GSTM5: variants seen among roughly 807,000 people sequenced by gnomAD.
GSTM5 encodes glutathione S-transferase mu 5, also known as GST class-mu 5.
Under a neutral mutation model 29.0 loss-of-function variants are expected in GSTM5, and 24 were observed. The observed-to-expected ratio is 0.83, with a 90% CI of 0.60 to 1.16. The LOEUF is 1.16. Ranked by LOEUF, GSTM5 falls within the 50% of genes most tolerant of loss-of-function variation. The pLI, the probability that GSTM5 is intolerant of heterozygous loss-of-function variation, is 0.00. For missense variants in GSTM5, 290 were observed against 263.0 expected (o/e 1.10, Z -0.71); for synonymous variants, 91 against 93.6 (o/e 0.97, Z 0.16).
chr1:109,715,302 T>G (rs540807268), intron 7 of GSTM5, 62 bp downstream of exon 7: 1 of 1,614,200 alleles, frequency 6.2e-7, no homozygotes, highest in Non-Finnish European at 8.5e-7. Context: ...TTTCAGATGC[T>G]TTCCCAGTCC....
chr1:109,713,248 C>T lies in GSTM5; in HGVS notation c.177+65C>T, dbSNP rs1648629069. On this transcript the variant is annotated intron_variant, in intron 3 of 7. Coordinates refer to ENST00000256593, the MANE Select transcript of GSTM5 (RefSeq NM_000851.4). ...ACGTGTCTCTGACTGCATCTCCTCT[C>T]CCCACCTTAGAGGTGTTAAGATCAG... is the stretch of plus-strand genomic sequence containing the variant. 3.2e-5 allele frequency: 52 copies of T among 1,603,884 alleles called. 1 individual carries two copies. The South Asian group carries it at 5.7e-4, about 18-fold the overall frequency.
intron 1 of GSTM5, 23 bp from the exon 2 acceptor site, chr1:109,712,595 G>C (rs781591595): frequency 1.2e-6 from 2 of 1,613,412 alleles, no homozygotes; most frequent in African/African-American, 1.3e-5. Flanking sequence ...TCTCTGACCC[G>C]AGCCGCGGGC....
At chr1:109,715,746 C>T (rs36107407) in intron 7 of GSTM5, 45,081 of 412,188 alleles carry the variant, frequency 0.11, 4,389 homozygotes, top group African/African-American at 0.36. Context: ...ATAGCCACCC[C>T]CAGAAGCTTT....
At chr1:109,717,204 C>T (rs113490310) in intron 7 of GSTM5, 133 bp from the exon 8 acceptor site, 49 of 660,092 alleles carry the variant, frequency 7.4e-5, no homozygotes, top group African/African-American at 3.8e-4. Flanking sequence ...CCTAAGAGAC[C>T]GTGTGATGCT....
In GSTM5 at chr1:109,713,188, G is replaced by A; in HGVS notation, c.177+5G>A. 6.2e-7 allele frequency: 1 copy of A among 1,612,360 alleles called. No homozygotes were observed. The highest frequency in any genetic ancestry group is 8.5e-7 in the Non-Finnish European group (1 of 1,179,848). ...CTGGGCCTGGACTTTCCCAATGTAG[G>A]TGCAGGGGAAGGGGCGGTTTTGGGG... On this transcript the variant is annotated splice_donor_5th_base_variant and intron_variant, in intron 3 of 7. Transcript: ENST00000256593.
intron 7 of GSTM5, chr1:109,715,829 T>C: frequency 2.2e-6 from 1 of 457,000 alleles, no homozygotes; most frequent in South Asian, 1.8e-5. Flanking sequence ...GGTACATATG[T>C]GGGTGCCCCT....
At position 109,712,251 on chromosome 1, in the gene GSTM5, C is replaced by G; in HGVS notation, c.-62C>G. On this transcript the variant is annotated 5_prime_UTR_variant, in exon 1 of 8. Transcript: ENST00000256593. The stretch of plus-strand genomic sequence containing the variant: ...AGGCCCCGCCTGTCCCCTCCTGGGC[C>G]TCTCAAAGTCTGAGCCCCGCTCCGC... The G allele has an allele frequency of 1.3e-6, 2 of 1,579,676 alleles. No homozygotes were observed. The highest frequency in any genetic ancestry group is 1.7e-6 in the Non-Finnish European group (2 of 1,148,804).
chr1:109,713,970 G>T, intron 5 of GSTM5: 1 of 437,504 alleles, frequency 2.3e-6, no homozygotes, highest in Non-Finnish European at 4.2e-6. Context: ...ACAACTGGAT[G>T]CAACTGGTCA....
In GSTM5 at chr1:109,712,645, G is replaced by C. The variant is rs1459028911; in HGVS notation, c.64G>C (p.Glu22Gln). Reference sequence around the variant, plus strand: ...GGCCCACGCCATCCGCTTGCTCCTGGAATACACAGACTCAAGCTATGTGGA... The same window carrying C: ...GGCCCACGCCATCCGCTTGCTCCTGCAATACACAGACTCAAGCTATGTGGA... ...GLAHAIRLLL[E>Q]YTDSSYVEKK... The change falls in exon 2 of 8, where the codon GAA becomes CAA. Residue 22 changes from glutamate (E) to glutamine (Q), a missense_variant. By Grantham distance (29) the Glu-to-Gln change is conservative. Coordinates refer to ENST00000256593, the MANE Select transcript of GSTM5 (RefSeq NM_000851.4). 5 of 1,614,204 alleles carry C rather than the reference G, an allele frequency of 3.1e-6. No individual in the cohort carries two copies. Among genetic ancestry groups the C allele is most frequent in the African/African-American group, 2.7e-5 (2 of 75,056 alleles).
At chr1:109,712,750 A>T in intron 2 of GSTM5, 57 bp downstream of exon 2, 1 of 1,589,132 alleles carries the variant, frequency 6.3e-7, no homozygotes, top group Non-Finnish European at 8.6e-7. Context: ...GCACCAAGCA[A>T]CCCATGGTGG....
chr1:109,712,490 G>A (rs1331519056), intron 1 of GSTM5, 128 bp from the exon 2 acceptor site: 1 of 1,321,106 alleles, frequency 7.6e-7, no homozygotes, highest in East Asian at 2.3e-5. Flanking sequence ...GTGTGTGTTT[G>A]GGGGTGGGGG....
chr1:109,712,593 C>G (rs1382426554), intron 1 of GSTM5, 25 bp from the exon 2 acceptor site: 35 of 1,613,182 alleles, frequency 2.2e-5, no homozygotes, highest in Non-Finnish European at 3.0e-5. Flanking sequence ...CATCTCTGAC[C>G]CGAGCCGCGG....
upstream of GSTM5, among the ~76,000 whole-genome samples, chr1:109,712,098 C>T (rs1216574928): frequency 6.6e-6 from 1 of 152,174 alleles, no homozygotes; most frequent in African/African-American, 2.4e-5. Context: ...GCCCTGACCT[C>T]GCTCCCGGAA....
At chr1:109,712,540 G>C in intron 1 of GSTM5, 78 bp from the exon 2 acceptor site, 1 of 1,530,244 alleles carries the variant, frequency 6.5e-7, no homozygotes, top group Non-Finnish European at 9.1e-7. Context: ...TATAGACTAG[G>C]GGCTGGCCTG....
chr1:109,715,033 A>T lies in GSTM5; in HGVS notation c.447A>T (p.Ala149=), dbSNP rs749306864. ...SEFLGKRPWF[A]GDKITFVDFL... ...TTCTGGGGAAGCGGCCATGGTTTGC[A>T]GGAGACAAGGTAAAGGAGGAGTGAT... The change falls in exon 6 of 8, where the codon GCA becomes GCT. Residue 149 remains alanine, a synonymous_variant. Transcript: ENST00000256593. The T allele has an allele frequency of 6.2e-7, 1 of 1,614,164 alleles. No individual in the cohort carries two copies. Among genetic ancestry groups the T allele is most frequent in the Non-Finnish European group, 8.5e-7 (1 of 1,180,058 alleles).
At chr1:109,713,916 T>C (rs1392321151) in intron 5 of GSTM5, 155 bp downstream of exon 5, 1 of 505,578 alleles carries the variant, frequency 2.0e-6, no homozygotes, top group Non-Finnish European at 3.7e-6. Flanking sequence ...AATCTTCTCC[T>C]CTTCTGAAGA....
intron 7 of GSTM5, chr1:109,715,509 G>A: frequency 2.0e-6 from 3 of 1,464,384 alleles, no homozygotes; most frequent in Non-Finnish European, 2.7e-6. Flanking sequence ...CCCAGAGCCA[G>A]TGGAGGCTGT....
chr1:109,712,394 G>A (rs775587853), intron 1 of GSTM5, 46 bp downstream of exon 1: 2 of 1,582,604 alleles, frequency 1.3e-6, no homozygotes, highest in Non-Finnish European at 1.7e-6. Context: ...CGGAGGCGGG[G>A]ATGTGTGGAG....
At chr1:109,714,860 C>G in intron 5 of GSTM5, 87 bp from the exon 6 acceptor site, 1 of 1,307,978 alleles carries the variant, frequency 7.6e-7, no homozygotes, top group Non-Finnish European at 1.1e-6. Flanking sequence ...TGCCTGTGGC[C>G]AGCCTGGGCC....
Sources: gnomAD v4.1 joint callset for allele counts (sites outside exome capture counted in the v4.1 genomes callset) on GRCh38, gnomAD v4.1.1 for gene constraint, MANE v1.5 for transcripts, NCBI Gene and HGNC (gene_info 2026-07-23, HGNC 2026-07-21) for gene names.